The following MYSM1 variants were observed in gnomAD, a reference collection of about 807,000 sequenced individuals.
MYSM1 encodes Myb like, SWIRM and MPN domains 1.
A neutral mutation model predicts 116.0 loss-of-function variants in MYSM1; 51 were observed. The observed-to-expected ratio is 0.44, with a 90% CI of 0.35 to 0.56. MYSM1 has a LOEUF of 0.56. MYSM1 is among the 20% of genes least tolerant of loss of function. The probability of loss-of-function intolerance (pLI) is 0.00; values close to 1 mark genes in which losing one functional copy is unlikely to be tolerated. For synonymous variants in MYSM1, 313 were observed against 315.2 expected (o/e 0.99, Z 0.07); for missense variants, 900 against 974.9 (o/e 0.92, Z 1.02).
chr1:58,669,350 A>C (rs1217301018), intron 12 of MYSM1, among the ~76,000 whole-genome samples: 1 of 152,224 alleles, frequency 6.6e-6, no homozygotes, highest in Non-Finnish European at 1.5e-5. Context: ...AGTCCAATGA[A>C]AATATAATTA....
At chr1:58,690,087 CTTTATTAAAAAAACTGT>C in intron 5 of MYSM1, 122 bp downstream of exon 5, 1 of 672,548 alleles carries the variant, frequency 1.5e-6, no homozygotes, top group Non-Finnish European at 2.4e-6. Flanking sequence ...ACTCCAACAT[CTTTATTAAAAAAACTGT>C]TTTTATATCT....
In MYSM1 at chr1:58,682,018, C is replaced by G; in HGVS notation, c.1026G>C (p.Glu342Asp). The change falls in exon 8 of 20, where the codon GAG becomes GAC. Residue 342 changes from glutamate (E) to aspartate (D), a missense_variant. Transcript: ENST00000472487. ...TCAAATTTTTCTGAATTTCACAAGG[C>G]TCTGGAGAAGGCAACTGCCTGGCAT... ...IVDARQLPSPEPCEIQKNLND... is the reference protein window; with the variant it reads ...IVDARQLPSPDPCEIQKNLND... 1 of 1,614,146 alleles carries G rather than the reference C, an allele frequency of 6.2e-7. No individual in the cohort carries two copies. Among genetic ancestry groups the G allele is most frequent in the Non-Finnish European group, 8.5e-7 (1 of 1,180,018 alleles).
chr1:58,676,829 C>A, intron 9 of MYSM1, 97 bp downstream of exon 9: 1 of 1,298,176 alleles, frequency 7.7e-7, no homozygotes, highest in South Asian at 1.3e-5. Context: ...ATTCTATATA[C>A]CTATAACTAC....
At chr1:58,680,744 T>C (rs7519086) in intron 8 of MYSM1, among the ~76,000 whole-genome samples, 33,697 of 152,046 alleles carry the variant, frequency 0.22, 5,081 homozygotes, top group African/African-American at 0.44. Flanking sequence ...CTCAAGGAAC[T>C]AGGAAGCTCT....
intron 14 of MYSM1, chr1:58,668,298 G>A (rs372613192): frequency 1.6e-4 from 73 of 452,132 alleles, no homozygotes; most frequent in African/African-American, 1.2e-3. Flanking sequence ...GGTATCGGTA[G>A]TTTAGTAAAA....
intron 12 of MYSM1, among the ~76,000 whole-genome samples, chr1:58,670,535 GAA>G (rs1485862945): frequency 6.6e-6 from 1 of 152,152 alleles, no homozygotes; most frequent in Non-Finnish European, 1.5e-5. Flanking sequence ...ATGAGTTCAT[GAA>G]AAGTCATGAT....
intron 10 of MYSM1, among the ~76,000 whole-genome samples, chr1:58,674,894 T>C (rs1644623617): frequency 1.4e-5 from 2 of 146,634 alleles, no homozygotes; most frequent in Middle Eastern, 3.6e-3. Context: ...ACCACCATAC[T>C]CTAGCCTGGG....
chr1:58,683,917 A>G (rs924973751), intron 7 of MYSM1, among the ~76,000 whole-genome samples: 36 of 152,196 alleles, frequency 2.4e-4, no homozygotes, highest in African/African-American at 8.0e-4. Context: ...ACAATATGAA[A>G]AATGTATCCT....
At position 58,682,002 on chromosome 1, in the gene MYSM1, T is replaced by C; in HGVS notation, c.1042A>G (p.Lys348Glu). ...AGCATTTCATTATCATTCAAATTTT[T>C]CTGAATTTCACAAGGCTCTGGAGAA... ...LPSPEPCEIQ[K>E]NLNDNEMLFH... The change falls in exon 8 of 20, where the codon AAA becomes GAA. Residue 348 changes from lysine (K) to glutamate (E), a missense_variant. Coordinates refer to ENST00000472487, the MANE Select transcript of MYSM1 (RefSeq NM_001085487.3). 1.9e-6 allele frequency: 3 copies of C among 1,614,178 alleles called. No homozygotes were observed. Among genetic ancestry groups the C allele is most frequent in the South Asian group, 2.2e-5 (2 of 91,084 alleles).
rs528302877 is a variant in MYSM1, at chr1:58,683,456, T to C, written c.499-911A>G. 3.3e-5 allele frequency among the ~76,000 whole-genome samples: 5 copies of C among 152,308 alleles called. No homozygotes were observed. In the South Asian group the frequency reaches 1.0e-3, roughly 32 times the overall value. ...TAATGAGCTTATATTATAGAGATTA[T>C]ATTTTAATGTGATACTTGAGAAAAA... On this transcript the variant is annotated intron_variant, in intron 7 of 19. Transcript: ENST00000472487.
chr1:58,685,061 G>A (rs963309830), intron 7 of MYSM1, 92 bp downstream of exon 7: 2 of 1,036,902 alleles, frequency 1.9e-6, no homozygotes, highest in Admixed American at 3.2e-5. Context: ...ACTTTTACCA[G>A]TAAGACTTTA....
At position 58,682,330 on chromosome 1, in the gene MYSM1, C is replaced by A. The variant is rs201248747; in HGVS notation, c.714G>T (p.Gln238His). ...ACAAGAGATCACTGCTAGAATTCTT[C>A]TGGGGTGTTTGAGAAGACAACTCGT... Reference protein sequence around the residue: ...EVDELSSQTPQKNSSSDLLLD... With the variant: ...EVDELSSQTPHKNSSSDLLLD... The change falls in exon 8 of 20, where the codon CAG (glutamine) becomes CAT (histidine). Residue 238 changes from glutamine to histidine, a missense_variant. Around this residue, in one of 3 missense-constraint regions of MYSM1, gnomAD observed 622 missense variants for 623.7 expected, o/e 1.00. Coordinates refer to ENST00000472487, the MANE Select transcript of MYSM1 (RefSeq NM_001085487.3). The A allele has an allele frequency of 6.3e-5, 101 of 1,613,852 alleles. No homozygotes were observed. In the African/African-American group the frequency reaches 1.3e-3, roughly 20 times the overall value.
intron 6 of MYSM1, 118 bp downstream of exon 6, chr1:58,688,920 T>A (rs879762456): frequency 1.3e-5 from 10 of 791,340 alleles, no homozygotes; most frequent in Non-Finnish European, 2.0e-5. Context: ...GAACTAAAGG[T>A]GTTAAAACTG....
At chr1:58,697,677 C>A (rs1253077420) in intron 1 of MYSM1, among the ~76,000 whole-genome samples, 1 of 151,494 alleles carries the variant, frequency 6.6e-6, no homozygotes, top group African/African-American at 2.4e-5. Context: ...GCAACCTTCA[C>A]CTCCCAGGGT....
rs1644321132 is a variant in MYSM1, at chr1:58,656,533, A to G, written c.*3464T>C. ...ACCAAAACAAAAATATCTGAAGACT[A>G]AAACAAACCACTGCCTCCTATCTTT... On this transcript the variant is annotated 3_prime_UTR_variant, in exon 20 of 20. Coordinates refer to ENST00000472487, the MANE Select transcript of MYSM1 (RefSeq NM_001085487.3). 1 of 152,194 alleles carries G rather than the reference A, an allele frequency of 6.6e-6. No individual in the cohort carries two copies. Among genetic ancestry groups the G allele is most frequent in the Admixed American group, 6.5e-5 (1 of 15,268 alleles). 9.4% of individuals were successfully genotyped at this position (152,194 alleles called of 1,614,324 possible).
intron 2 of MYSM1, 152 bp from the exon 3 acceptor site, chr1:58,693,083 T>C (rs557870075): frequency 3.0e-5 from 18 of 606,814 alleles, no homozygotes; most frequent in Admixed American, 1.0e-4. Context: ...CACAGTAACA[T>C]TGAGATAGGC....
chr1:58,692,808 T>C, intron 3 of MYSM1, 53 bp downstream of exon 3: 1 of 1,435,162 alleles, frequency 7.0e-7, no homozygotes, highest in Non-Finnish European at 9.6e-7. Context: ...TTTGCATTTA[T>C]AGATTTTTTT....
intron 13 of MYSM1, 37 bp from the exon 14 acceptor site, chr1:58,668,719 A>G (rs1456225386): frequency 4.1e-5 from 64 of 1,562,062 alleles, no homozygotes; most frequent in Non-Finnish European, 5.6e-5. Context: ...GGGGGAGCAT[A>G]AAAATAGAGA....
At chr1:58,682,773 G>A (rs1222253234) in intron 7 of MYSM1, among the ~76,000 whole-genome samples, 2 of 150,282 alleles carry the variant, frequency 1.3e-5, no homozygotes, top group Non-Finnish European at 2.9e-5. Context: ...CCAGGCCACT[G>A]CAAGCTCCAG....
Sources: gnomAD v4.1 joint callset for allele counts (sites outside exome capture counted in the v4.1 genomes callset) on GRCh38, gnomAD v4.1.1 for gene constraint, gnomAD v4.1.1 regional missense constraint, MANE v1.5 for transcripts, NCBI Gene and HGNC (gene_info 2026-07-23, HGNC 2026-07-21) for gene names.